Variants in PLEKHD1 observed in about 807,000 individuals in gnomAD.
PLEKHD1 encodes the protein pleckstrin homology and coiled-coil domain containing D1.
Under a neutral mutation model 69.2 loss-of-function variants are expected in PLEKHD1, and 51 were observed. The observed-to-expected ratio is 0.74, with a 90% CI of 0.59 to 0.93. The LOEUF is 0.93. Among genes scored for constraint, PLEKHD1 ranks in the 40% least tolerant of loss-of-function variants. The pLI, the probability that PLEKHD1 is intolerant of heterozygous loss-of-function variation, is 0.00. For missense variants in PLEKHD1, 584 were observed against 641.0 expected (o/e 0.91, Z 0.96); for synonymous variants, 236 against 244.7 (o/e 0.96, Z 0.33).
chr14:69,522,183 G>A (rs889191660), intron 6 of PLEKHD1, 100 bp from the exon 7 acceptor site: 3 of 1,087,628 alleles, frequency 2.8e-6, no homozygotes, highest in Non-Finnish European at 2.7e-6. Context: ...GACCCAGGCT[G>A]TGCTAAATCC....
At chr14:69,485,242 C>CCTTGGCG in intron 1 of PLEKHD1, 128 bp downstream of exon 1, 1 of 1,122,198 alleles carries the variant, frequency 8.9e-7, no homozygotes, top group Non-Finnish European at 1.2e-6. Context: ...CCCCTTTTCA[C>CCTTGGCG]TCTACACTGG....
At chr14:69,472,797 C>G in the PLEKHD1 span, among the ~76,000 whole-genome samples, 10 of 152,202 alleles carry the variant, frequency 6.6e-5, no homozygotes, top group African/African-American at 1.2e-4. Flanking sequence ...GTCCCCAACC[C>G]CGGGCCACAG....
intron 6 of PLEKHD1, among the ~76,000 whole-genome samples, chr14:69,508,985 G>A (rs1390985162): frequency 2.6e-5 from 4 of 152,150 alleles, no homozygotes; most frequent in African/African-American, 9.7e-5. Flanking sequence ...TGATCATATA[G>A]CCGCCAGTAG....
chr14:69,470,798 G>A, the PLEKHD1 span, among the ~76,000 whole-genome samples: 2 of 150,798 alleles, frequency 1.3e-5, no homozygotes, highest in South Asian at 2.1e-4. Flanking sequence ...ACAGAGTCTC[G>A]CTCTGTCGCC....
chr14:69,523,194 A>C (rs1883560846), intron 7 of PLEKHD1, among the ~76,000 whole-genome samples: 1 of 152,150 alleles, frequency 6.6e-6, no homozygotes, highest in African/African-American at 2.4e-5. Context: ...GGCCTCCCAA[A>C]GTGTTGGGAT....
intron 6 of PLEKHD1, among the ~76,000 whole-genome samples, chr14:69,520,630 G>A (rs527362856): frequency 2.9e-4 from 44 of 152,274 alleles, no homozygotes; most frequent in Non-Finnish European, 5.7e-4. Flanking sequence ...TCGGGAGGCT[G>A]GAGCAGGAGA....
chr14:69,528,005 G>A (rs1478034071), intron 12 of PLEKHD1, 73 bp downstream of exon 12: 2 of 1,544,270 alleles, frequency 1.3e-6, no homozygotes, highest in Non-Finnish European at 8.7e-7. Context: ...GGAGCCAGAA[G>A]GGTTGGCCCA....
rs748051631 is a variant in PLEKHD1, at chr14:69,530,949, C to A, written c.*2530C>A. The A allele has an allele frequency of 3.3e-5, 5 of 152,158 alleles. No individual in the cohort carries two copies. The highest frequency in any genetic ancestry group is 7.2e-5 in the African/African-American group (3 of 41,424). The allele number at this position is 152,158 out of a possible 1,614,324, so 9.4% of individuals were successfully genotyped here. On this transcript the variant is annotated 3_prime_UTR_variant, in exon 13 of 13. Coordinates refer to ENST00000322564, the MANE Select transcript of PLEKHD1 (RefSeq NM_001161498.2). The stretch of plus-strand genomic sequence containing the variant: ...CCAGCCTGGCCAATATGGCGAAACC[C>A]CACCTGTACTAAAAATACAAAAATT...
intron 8 of PLEKHD1, among the ~76,000 whole-genome samples, chr14:69,524,798 A>G (rs557562448): frequency 2.0e-5 from 3 of 151,796 alleles, no homozygotes; most frequent in Non-Finnish European, 4.4e-5. Context: ...CAAAGTACAA[A>G]CTCCTTAGCA....
chr14:69,495,688 C>T (rs912011579), intron 1 of PLEKHD1, among the ~76,000 whole-genome samples: 5 of 152,234 alleles, frequency 3.3e-5, no homozygotes, highest in African/African-American at 9.6e-5. Context: ...GCAGTTCCCT[C>T]GAGAGCTAGG....
At chr14:69,503,917 T>C (rs1380374255) in intron 6 of PLEKHD1, among the ~76,000 whole-genome samples, 1 of 151,074 alleles carries the variant, frequency 6.6e-6, no homozygotes, top group Admixed American at 6.6e-5. Context: ...GCCTTGCCTG[T>C]TCTGAGGAGT....
chr14:69,472,153 C>T, the PLEKHD1 span, among the ~76,000 whole-genome samples: 24 of 152,240 alleles, frequency 1.6e-4, no homozygotes, highest in Non-Finnish European at 2.2e-4. Context: ...GGTCACTCAC[C>T]CACAACCAGA....
At chr14:69,527,744 G>A in intron 11 of PLEKHD1, 39 bp from the exon 12 acceptor site, 2 of 1,548,012 alleles carry the variant, frequency 1.3e-6, no homozygotes, top group Non-Finnish European at 1.7e-6. Flanking sequence ...GGGTAAGGAT[G>A]CAGTCGGAAC....
At chr14:69,499,253 A>G (rs1012385240) in intron 1 of PLEKHD1, among the ~76,000 whole-genome samples, 1 of 146,558 alleles carries the variant, frequency 6.8e-6, no homozygotes, top group African/African-American at 2.6e-5. Context: ...ACACACACAC[A>G]CACACACACA....
chr14:69,485,247 C>T (rs924178910), intron 1 of PLEKHD1, 133 bp downstream of exon 1: 4 of 1,089,800 alleles, frequency 3.7e-6, no homozygotes, highest in South Asian at 3.2e-5. Flanking sequence ...TTTCACTCTA[C>T]ACTGGCTCCC....
At chr14:69,469,599 TGGG>T in the PLEKHD1 span, among the ~76,000 whole-genome samples, 1 of 152,024 alleles carries the variant, frequency 6.6e-6, no homozygotes, top group Non-Finnish European at 1.5e-5. Flanking sequence ...TTTGTGTAGA[TGGG>T]GGTCTCACTC....
intron 1 of PLEKHD1, among the ~76,000 whole-genome samples, chr14:69,499,368 G>A (rs1203831015): frequency 2.0e-5 from 3 of 152,184 alleles, no homozygotes; most frequent in Admixed American, 2.0e-4. Flanking sequence ...GCCACTCTGG[G>A]TGTCCCTGAA....
chr14:69,500,580 G>T lies in PLEKHD1; in HGVS notation c.247G>T (p.Val83Phe). The change falls in exon 3 of 13, where the codon GTC becomes TTC. Residue 83 changes from valine to phenylalanine, a missense_variant. Val to Phe is a conservative substitution (Grantham distance 50, BLOSUM62 -1). Coordinates refer to ENST00000322564, the MANE Select transcript of PLEKHD1 (RefSeq NM_001161498.2). The stretch of plus-strand genomic sequence containing the variant: ...GCCTGTTCTGGTTCTTCCTCAGGGC[G>T]TCATCCCTCTGGGGGGCTGCCTGGT... ...NKYFNIHPKG[V>F]IPLGGCLVEP... The T allele has an allele frequency of 6.5e-7, 1 of 1,548,752 alleles. No individual in the cohort carries two copies.
chr14:69,521,564 G>A (rs1310217582), intron 6 of PLEKHD1, among the ~76,000 whole-genome samples: 1 of 152,184 alleles, frequency 6.6e-6, no homozygotes, highest in East Asian at 1.9e-4. Flanking sequence ...TCACAAAAAT[G>A]TTTCAAGCCA....
Sources: gnomAD v4.1 joint callset for allele counts (sites outside exome capture counted in the v4.1 genomes callset) on GRCh38, gnomAD v4.1.1 for gene constraint, MANE v1.5 for transcripts, NCBI Gene and HGNC (gene_info 2026-07-23, HGNC 2026-07-21) for gene names.